Variants in LETM1 observed in about 807,000 individuals in gnomAD.
The protein encoded by LETM1 is mitochondrial proton/calcium exchanger protein.
Under a neutral mutation model 74.5 loss-of-function variants are expected in LETM1, and 50 were observed. The observed-to-expected ratio is 0.67, with a 90% CI of 0.53 to 0.85. LETM1 has a LOEUF of 0.85. Ranked by LOEUF, LETM1 falls within the 40% of genes least tolerant of loss-of-function variation. The pLI is 0.00. For missense variants in LETM1, 824 were observed against 967.8 expected, an observed-to-expected ratio of 0.85 and a Z score of 1.97; for synonymous variants, 446 against 407.1, an observed-to-expected ratio of 1.10 and a Z score of -1.15.
Position 1,813,721 on chromosome 4 carries a change from A to G in LETM1, c.*703T>C, listed in dbSNP as rs1722532957. 6.5e-6 allele frequency: 1 copy of G among 152,722 alleles called. No homozygotes were observed. The highest frequency in any genetic ancestry group is 2.4e-5 in the African/African-American group (1 of 41,444). 9.5% of individuals were successfully genotyped at this position (152,722 alleles called of 1,614,324 possible). ...ATCCCTGACACAGTGAATCCACTGCAGCCCCCGTGGGAAACTCTGTGCCAA... is the reference window on the plus strand; with the variant it reads ...ATCCCTGACACAGTGAATCCACTGCGGCCCCCGTGGGAAACTCTGTGCCAA... On this transcript the variant is annotated 3_prime_UTR_variant, in exon 14 of 14. Coordinates refer to ENST00000302787, the MANE Select transcript of LETM1 (RefSeq NM_012318.3).
intron 12 of LETM1, among the ~76,000 whole-genome samples, chr4:1,816,399 G>A (rs530945256): frequency 3.9e-5 from 6 of 152,364 alleles, no homozygotes; most frequent in East Asian, 1.9e-4. Context: ...ATTACTGAGC[G>A]TGGGTGGGGT....
intron 6 of LETM1, among the ~76,000 whole-genome samples, chr4:1,827,067 C>T (rs1712017018): frequency 6.6e-6 from 1 of 152,140 alleles, no homozygotes. Flanking sequence ...CTCGCCATGC[C>T]GACCCTCGCT....
At position 1,816,736 on chromosome 4, in the gene LETM1, A is replaced by G. The variant is rs376355543; in HGVS notation, c.1922T>C (p.Met641Thr). 3.3e-5 allele frequency: 53 copies of G among 1,613,940 alleles called. No individual in the cohort carries two copies. Among genetic ancestry groups the G allele is most frequent in the Non-Finnish European group, 4.2e-5 (50 of 1,179,934 alleles). The change falls in exon 12 of 14, where the codon ATG becomes ACG. Residue 641 changes from methionine to threonine, a missense_variant. Physicochemically the swap from Met to Thr is moderately conservative, Grantham distance 81. Around this residue, in one of 4 missense-constraint regions of LETM1, gnomAD observed 161 missense variants for 252.7 expected, o/e 0.64. Transcript: ENST00000302787. ...QAGKLAPANG[M>T]PTGENVISVA... ...CCACCACCCCACTCACCCCGTGGGC[A>G]TGCCGTTGGCCGGGGCCAGCTTGCC... is the stretch of plus-strand genomic sequence containing the variant.
chr4:1,825,669 T>C lies in LETM1; in HGVS notation c.1095A>G (p.Glu365=). Residue 365 remains glutamate, a synonymous_variant, in exon 7 of 14, where the codon GAA becomes GAG. Transcript: ENST00000302787. ...IKADDKLIAE[E]GVDSLNVKEL... ...CCTTGACATTCAGGCTGTCCACCCC[T>C]TCCTCAGCAATCAGCTAGAAAACAA... 6.2e-7 allele frequency: 1 copy of C among 1,613,416 alleles called. No individual in the cohort carries two copies. Among genetic ancestry groups the C allele is most frequent in the Non-Finnish European group, 8.5e-7 (1 of 1,179,510 alleles).
chr4:1,827,543 G>A (rs1325939011), intron 6 of LETM1, among the ~76,000 whole-genome samples: 2 of 109,344 alleles, frequency 1.8e-5, no homozygotes, highest in African/African-American at 7.4e-5. Context: ...ATCTTGCACC[G>A]CCCTTAATCC....
intron 2 of LETM1, 91 bp downstream of exon 2, chr4:1,849,058 C>A (rs1407747627): frequency 6.5e-5 from 54 of 833,802 alleles, no homozygotes; most frequent in Admixed American, 1.1e-4. Flanking sequence ...TACACTGTTT[C>A]CCTCAAAAAT....
intron 6 of LETM1, among the ~76,000 whole-genome samples, chr4:1,832,220 T>C (rs537595324): frequency 6.6e-6 from 1 of 152,034 alleles, no homozygotes; most frequent in Non-Finnish European, 1.5e-5. Flanking sequence ...GAGAATCGCT[T>C]GAACCCAGGA....
rs1488573314 is a variant in LETM1, at chr4:1,856,125, T to C, written c.-175A>G. On this transcript the variant is annotated 5_prime_UTR_variant, in exon 1 of 14. Coordinates refer to ENST00000302787, the MANE Select transcript of LETM1 (RefSeq NM_012318.3). Reference sequence around the variant, plus strand: ...AAGGACCCGGCACCAGCGGCGGCCTTGTCCCGGCACAGACGTCCGGAGGCG... The same window carrying C: ...AAGGACCCGGCACCAGCGGCGGCCTCGTCCCGGCACAGACGTCCGGAGGCG... 2.9e-6 allele frequency: 1 copy of C among 350,526 alleles called. No homozygotes were observed. Among genetic ancestry groups the C allele is most frequent in the Non-Finnish European group, 5.0e-6 (1 of 201,004 alleles). The allele number at this position is 350,526 out of a possible 1,614,324, so 21.7% of individuals were successfully genotyped here. A position where few individuals can be genotyped will look rare whatever the true frequency, so the allele number is the denominator to read the frequency against.
intron 1 of LETM1, among the ~76,000 whole-genome samples, chr4:1,854,653 C>A (rs181436208): frequency 2.0e-5 from 3 of 151,972 alleles, no homozygotes; most frequent in Admixed American, 1.3e-4. Context: ...ATTAGCCAGT[C>A]GTGATGGCGG....
At chr4:1,835,309 C>T (rs545609693) in intron 4 of LETM1, among the ~76,000 whole-genome samples, 1 of 151,986 alleles carries the variant, frequency 6.6e-6, no homozygotes, top group South Asian at 2.1e-4. Context: ...GCCAGGCATG[C>T]ACACCTGTAA....
chr4:1,829,385 C>G (rs1041558205), intron 6 of LETM1, among the ~76,000 whole-genome samples: 1 of 151,770 alleles, frequency 6.6e-6, no homozygotes, highest in Non-Finnish European at 1.5e-5. Context: ...GGCGGCTGGC[C>G]GGGCGGGGGG....
chr4:1,855,566 AC>A (rs893384671), intron 1 of LETM1, among the ~76,000 whole-genome samples: 3 of 152,220 alleles, frequency 2.0e-5, no homozygotes, highest in Non-Finnish European at 4.4e-5. Context: ...CACCAAGCTT[AC>A]TCGCGCAGGG....
intron 3 of LETM1, 116 bp downstream of exon 3, chr4:1,841,231 G>T: frequency 1.1e-6 from 1 of 895,002 alleles, no homozygotes. Flanking sequence ...TGTGGTCCCA[G>T]ATACTCGGGA....
At chr4:1,824,616 C>G (rs927899308) in intron 7 of LETM1, among the ~76,000 whole-genome samples, 1 of 152,204 alleles carries the variant, frequency 6.6e-6, no homozygotes, top group Admixed American at 6.5e-5. Flanking sequence ...AAGGCACCAC[C>G]GAGAGGTGGG....
intron 8 of LETM1, 43 bp downstream of exon 8, chr4:1,823,601 C>A: frequency 6.2e-7 from 1 of 1,610,368 alleles, no homozygotes; most frequent in Non-Finnish European, 8.5e-7. Context: ...AGCGGAGCCA[C>A]CTATGAAGAG....
chr4:1,834,364 C>A lies in LETM1; in HGVS notation c.876+481G>T. The A allele has an allele frequency of 1.0e-6, 1 of 988,372 alleles. No homozygotes were observed. Among genetic ancestry groups the A allele is most frequent in the Non-Finnish European group, 1.2e-6 (1 of 831,838 alleles). 61.2% of individuals were successfully genotyped at this position (988,372 alleles called of 1,614,324 possible). A position where few individuals can be genotyped will look rare whatever the true frequency, so the allele number is the denominator to read the frequency against. On this transcript the variant is annotated intron_variant, in intron 5 of 13. Coordinates refer to ENST00000302787, the MANE Select transcript of LETM1 (RefSeq NM_012318.3). The surrounding 1 kb of genome is among the most constrained non-coding windows in gnomAD (Gnocchi z 5.0). ...GGCAGCTGCCGTCTCCCCATCCTCACCTCACTCACCACATGACCGCAGGAA... is the reference window on the plus strand; with the variant it reads ...GGCAGCTGCCGTCTCCCCATCCTCAACTCACTCACCACATGACCGCAGGAA...
At position 1,813,800 on chromosome 4, in the gene LETM1, A is replaced by T. The variant is rs527923149; in HGVS notation, c.*624T>A. On this transcript the variant is annotated 3_prime_UTR_variant, in exon 14 of 14. Transcript: ENST00000302787. ...GAAAGCCGAGAAAGAGCTCCGATAC[A>T]CAAGGGAAACCGCACGTGAGAACCA... 2 of 153,692 alleles carry T rather than the reference A, an allele frequency of 1.3e-5. No individual in the cohort carries two copies. Among genetic ancestry groups the T allele is most frequent in the Admixed American group, 1.3e-4 (2 of 15,610 alleles). The allele number at this position is 153,692 out of a possible 1,614,324, so 9.5% of individuals were successfully genotyped here. A position where few individuals can be genotyped will look rare whatever the true frequency, so the allele number is the denominator to read the frequency against.
chr4:1,817,733 GT>G (rs1208927195), intron 11 of LETM1, among the ~76,000 whole-genome samples: 5 of 152,080 alleles, frequency 3.3e-5, no homozygotes, highest in Non-Finnish European at 7.4e-5. Flanking sequence ...CTTCACATTT[GT>G]TAAAGAAAAA....
At chr4:1,826,967 T>TGTCGCCTCCACTCGCATC (rs918032898) in intron 6 of LETM1, among the ~76,000 whole-genome samples, 6 of 152,128 alleles carry the variant, frequency 3.9e-5, no homozygotes, top group African/African-American at 9.7e-5. Flanking sequence ...GAGTCTCAGG[T>TGTCGCCTCCACTCGCATC]GTCGCCTCCA....
Sources: gnomAD v4.1 joint callset for allele counts (sites outside exome capture counted in the v4.1 genomes callset) on GRCh38, gnomAD v4.1.1 for gene constraint, gnomAD v4.1.1 regional missense constraint, Gnocchi (gnomAD v3.1) non-coding constraint, MANE v1.5 for transcripts, NCBI Gene and HGNC (gene_info 2026-07-23, HGNC 2026-07-21) for gene names.